The following CD109 variants were observed in gnomAD, a reference collection of about 807,000 sequenced individuals.
CD109 encodes the protein CD109 antigen.
Under a neutral mutation model 165.8 loss-of-function variants are expected in CD109, and 149 were observed. The observed-to-expected ratio is 0.90, with a 90% CI of 0.79 to 1.03. The LOEUF (loss-of-function observed/expected upper bound fraction) is 1.03. Among genes scored for constraint, CD109 ranks in the 50% least tolerant of loss-of-function variants. The pLI is 0.00. For synonymous variants in CD109, 585 were observed against 592.1 expected, an observed-to-expected ratio of 0.99 and a Z score of 0.18; for missense variants, 1,712 against 1,677.8, an observed-to-expected ratio of 1.02 and a Z score of -0.36.
intron 21 of CD109, among the ~76,000 whole-genome samples, chr6:73,787,914 G>C (rs1774758464): frequency 6.6e-6 from 1 of 152,138 alleles, no homozygotes. Flanking sequence ...TGCCAAGTGT[G>C]ATTTTGAACA....
At chr6:73,770,978 C>T (rs966236663) in intron 14 of CD109, among the ~76,000 whole-genome samples, 3 of 152,168 alleles carry the variant, frequency 2.0e-5, no homozygotes, top group Non-Finnish European at 4.4e-5. Flanking sequence ...CCCTCACCCT[C>T]AGTCCAGGTG....
intron 6 of CD109, among the ~76,000 whole-genome samples, chr6:73,757,760 G>C (rs1242570073): frequency 6.6e-6 from 1 of 152,056 alleles, no homozygotes; most frequent in Admixed American, 6.6e-5. Flanking sequence ...TAGATATATA[G>C]GGTTAAGTAA....
At chr6:73,704,723 A>G (rs1304572639) in intron 2 of CD109, among the ~76,000 whole-genome samples, 1 of 152,178 alleles carries the variant, frequency 6.6e-6, no homozygotes, top group Non-Finnish European at 1.5e-5. Context: ...TTAATGTATT[A>G]TTTATTGATT....
intron 14 of CD109, 69 bp from the exon 15 acceptor site, chr6:73,771,360 G>C (rs1407383421): frequency 7.7e-7 from 1 of 1,302,292 alleles, no homozygotes; most frequent in Middle Eastern, 1.9e-4. Context: ...TTGGGCCAGT[G>C]GTCTGCTATT....
chr6:73,719,157 G>A (rs1487999943), intron 2 of CD109, among the ~76,000 whole-genome samples: 3 of 151,870 alleles, frequency 2.0e-5, no homozygotes, highest in Non-Finnish European at 4.4e-5. Context: ...TTTTACACTT[G>A]CTGCTTATTT....
At chr6:73,690,589 C>G in the CD109 span, among the ~76,000 whole-genome samples, 4 of 152,106 alleles carry the variant, frequency 2.6e-5, no homozygotes, top group African/African-American at 4.8e-5. Context: ...TTAGTAGATA[C>G]GGGGTTTCTC....
chr6:73,822,311 T>G (rs1776134559), intron 32 of CD109, among the ~76,000 whole-genome samples: 1 of 152,192 alleles, frequency 6.6e-6, no homozygotes, highest in Admixed American at 6.6e-5. Flanking sequence ...CATTTTTGTG[T>G]GTTAGGTAGT....
At chr6:73,688,306 T>C in the CD109 span, among the ~76,000 whole-genome samples, 1 of 152,212 alleles carries the variant, frequency 6.6e-6, no homozygotes, top group Non-Finnish European at 1.5e-5. Flanking sequence ...AAAACTCTTG[T>C]AGTTTCCTGA....
At chr6:73,775,963 G>GT (rs1374373354) in intron 15 of CD109, among the ~76,000 whole-genome samples, 1 of 152,180 alleles carries the variant, frequency 6.6e-6, no homozygotes, top group Non-Finnish European at 1.5e-5. Context: ...TTTGTGAATA[G>GT]TGCTGCAATG....
At chr6:73,680,307 A>C in the CD109 span, among the ~76,000 whole-genome samples, 1 of 152,208 alleles carries the variant, frequency 6.6e-6, no homozygotes, top group Non-Finnish European at 1.5e-5. Flanking sequence ...ATAAGGAGGT[A>C]AATATAATCT....
At chr6:73,756,748 A>AT in intron 6 of CD109, 66 bp downstream of exon 6, 1 of 1,132,114 alleles carries the variant, frequency 8.8e-7, no homozygotes, top group Non-Finnish European at 1.2e-6. Flanking sequence ...GATTAGAGAA[A>AT]TTTTTAAGAG....
chr6:73,806,311 A>G (rs1021267456), intron 24 of CD109, among the ~76,000 whole-genome samples: 9 of 150,572 alleles, frequency 6.0e-5, no homozygotes, highest in South Asian at 2.1e-4. Context: ...AAATTGAACA[A>G]TGAGAACACT....
intron 2 of CD109, among the ~76,000 whole-genome samples, chr6:73,722,489 T>C (rs972987424): frequency 1.3e-5 from 2 of 152,176 alleles, no homozygotes; most frequent in South Asian, 2.1e-4. Flanking sequence ...TGTGCTCTGG[T>C]GCCTCTGCTC....
upstream of CD109, chr6:73,694,458 C>T (rs72953368): frequency 3.3e-5 from 5 of 152,252 alleles, no homozygotes; most frequent in Non-Finnish European, 5.9e-5. Context: ...TAAGTCTTCT[C>T]GGGAGGCAAC....
chr6:73,695,529 G>A (rs1400963166), upstream of CD109: 2 of 139,096 alleles, frequency 1.4e-5, no homozygotes, highest in African/African-American at 2.5e-5. Context: ...TGCAGTGCGA[G>A]TTCTCTTCTT....
the CD109 span, among the ~76,000 whole-genome samples, chr6:73,682,448 T>G: frequency 6.6e-6 from 1 of 152,262 alleles, no homozygotes; most frequent in Non-Finnish European, 1.5e-5. Context: ...TGGGTTCCCA[T>G]GGTCTTGGGC....
In CD109 at chr6:73,762,755, A is replaced by G; in HGVS notation, c.870A>G (p.Ala290=). The change falls in exon 9 of 33, where the codon GCA becomes GCG. Residue 290 remains alanine (A), a synonymous_variant. Coordinates refer to ENST00000287097, the MANE Select transcript of CD109 (RefSeq NM_133493.5). ...AAACAAAACAGATAAATGGATCTGC[A>G]AACTTCTCTTTTAATGATGAAGAGA... ...ITKTFKINGS[A]NFSFNDEEMK... is the part of the protein sequence containing the mutation. 6.2e-7 allele frequency: 1 copy of G among 1,602,400 alleles called. No homozygotes were observed. Among genetic ancestry groups the G allele is most frequent in the Non-Finnish European group, 8.5e-7 (1 of 1,173,206 alleles).
intron 5 of CD109, among the ~76,000 whole-genome samples, chr6:73,739,247 C>G (rs1772663541): frequency 6.6e-6 from 1 of 152,086 alleles, no homozygotes; most frequent in Non-Finnish European, 1.5e-5. Flanking sequence ...AGGCATTCAG[C>G]TAAGAAAAAA....
At position 73,788,549 on chromosome 6, in the gene CD109, T is replaced by C. The variant is rs759217557; in HGVS notation, c.2638T>C (p.Leu880=). 2 of 1,613,478 alleles carry C rather than the reference T, an allele frequency of 1.2e-6. No homozygotes were observed. Among genetic ancestry groups the C allele is most frequent in the East Asian group, 2.2e-5 (1 of 44,832 alleles). Residue 880 remains leucine (L), a synonymous_variant, in exon 22 of 33, where the codon TTG becomes CTG. Coordinates refer to ENST00000287097, the MANE Select transcript of CD109 (RefSeq NM_133493.5). ...DNRLQSTLKT[L]SFSFPPNTVT... ...TAGGCTACAGAGTACCCTGAAAACT[T>C]TGAGTTTCTCATTTCCTCCTAATAC...
Sources: allele counts gnomAD v4.1 joint callset (sites outside exome capture counted in the v4.1 genomes callset), GRCh38; gene constraint gnomAD v4.1.1; transcripts MANE v1.5; gene names NCBI Gene and HGNC (gene_info 2026-07-23, HGNC 2026-07-21).